NDUFB3: variants seen among roughly 807,000 people sequenced by gnomAD.
The protein encoded by NDUFB3 is NADH:ubiquinone oxidoreductase subunit B3, also known as NADH dehydrogenase [ubiquinone] 1 beta subcomplex subunit 3.
NDUFB3 carries 7 observed loss-of-function variants against 9.0 expected under a neutral mutation model. That is an observed-to-expected ratio of 0.78 (90% confidence interval 0.44 to 1.46). The LOEUF is 1.46. Among genes scored for constraint, NDUFB3 ranks in the 40% most tolerant of loss-of-function variants. The pLI is 0.01. For synonymous variants in NDUFB3, 29 were observed against 38.5 expected (o/e 0.75, Z 0.91); for missense variants, 93 against 115.4 (o/e 0.81, Z 0.89).
At chr2:201,077,598 A>G (rs2047177734) in intron 1 of NDUFB3, among the ~76,000 whole-genome samples, 1 of 152,226 alleles carries the variant, frequency 6.6e-6, no homozygotes, top group African/African-American at 2.4e-5. Flanking sequence ...AACATTTGTA[A>G]TGACTTTGAT....
intron 2 of NDUFB3, among the ~76,000 whole-genome samples, chr2:201,083,593 C>T (rs923927638): frequency 2.0e-5 from 3 of 152,020 alleles, no homozygotes; most frequent in Non-Finnish European, 4.4e-5. Context: ...GTGATCCACA[C>T]GCCTCGACCT....
rs778276586 is a variant in NDUFB3, at chr2:201,072,074, T to A, written c.-3+15T>A. On this transcript the variant is annotated intron_variant, in intron 1 of 2. Transcript: ENST00000237889. ...ATTGCTGTCAGGTAAATTAGGGAGT[T>A]GGTGGGAGGCCCGTTGATTAGGATT... 1 of 152,288 alleles carries A rather than the reference T, an allele frequency of 6.6e-6. No individual in the cohort carries two copies. The highest frequency in any genetic ancestry group is 2.1e-4 in the South Asian group (1 of 4,822). The allele number at this position is 152,288 out of a possible 1,614,324, so 9.4% of individuals were successfully genotyped here.
chr2:201,082,101 C>G (rs1224548806), intron 2 of NDUFB3, among the ~76,000 whole-genome samples: 1 of 152,004 alleles, frequency 6.6e-6, no homozygotes, highest in African/African-American at 2.4e-5. Flanking sequence ...CAGGCATGAG[C>G]CACCGCGCCA....
chr2:201,079,171 T>C, intron 2 of NDUFB3, 149 bp downstream of exon 2: 1 of 913,626 alleles, frequency 1.1e-6, no homozygotes, highest in Non-Finnish European at 1.6e-6. Flanking sequence ...TTTGAGACGG[T>C]GTCTTGCTGT....
chr2:201,081,689 C>A (rs984559055), intron 2 of NDUFB3, among the ~76,000 whole-genome samples: 1 of 151,762 alleles, frequency 6.6e-6, no homozygotes, highest in Non-Finnish European at 1.5e-5. Flanking sequence ...CACTGTGTCA[C>A]CCAGGCTGGA....
At chr2:201,076,484 AATATATATATATATATAT>A (rs561737388) in intron 1 of NDUFB3, among the ~76,000 whole-genome samples, 8 of 120,116 alleles carry the variant, frequency 6.7e-5, no homozygotes, top group Non-Finnish European at 1.2e-4. Flanking sequence ...TCTATCTTTA[AATATATATATATATATAT>A]ATATATATAT....
intron 1 of NDUFB3, among the ~76,000 whole-genome samples, chr2:201,076,018 C>A (rs1278486464): frequency 6.6e-6 from 1 of 152,164 alleles, no homozygotes; most frequent in East Asian, 1.9e-4. Context: ...TAAATAAACA[C>A]TTGTAATGGT....
At chr2:201,084,013 G>A (rs1046795386) in intron 2 of NDUFB3, among the ~76,000 whole-genome samples, 11 of 151,780 alleles carry the variant, frequency 7.2e-5, no homozygotes, top group South Asian at 2.1e-4. Context: ...AAAATTGGCC[G>A]GGCGCGGTGG....
At chr2:201,080,226 G>A (rs1451659028) in intron 2 of NDUFB3, among the ~76,000 whole-genome samples, 1 of 151,976 alleles carries the variant, frequency 6.6e-6, no homozygotes, top group African/African-American at 2.4e-5. Flanking sequence ...AAAAATTATT[G>A]TACCTCCGTT....
chr2:201,073,026 G>A lies in NDUFB3; in HGVS notation c.-3+967G>A, dbSNP rs370295813. Among the ~76,000 whole-genome samples, 415 of 152,124 alleles carry A rather than the reference G, an allele frequency of 2.7e-3. 3 individuals carry two copies. Among genetic ancestry groups the A allele is most frequent in the South Asian group, 0.013 (63 of 4,812 alleles). On this transcript the variant is annotated intron_variant, in intron 1 of 2. Coordinates refer to ENST00000237889, the MANE Select transcript of NDUFB3 (RefSeq NM_002491.3). ...ATATGTAGTGTTAAATTTTCATGGCGGGGGGTGTGATTAGGAATAAAATGT... is the reference window on the plus strand; with the variant it reads ...ATATGTAGTGTTAAATTTTCATGGCAGGGGGTGTGATTAGGAATAAAATGT...
rs567850578 is a variant in NDUFB3 at position 201,081,700 on chromosome 2, G to A, written c.140+2678G>A. Among the ~76,000 whole-genome samples the A allele has an allele frequency of 1.6e-4, 25 of 151,852 alleles. 1 individual carries two copies. The East Asian group carries it at 4.9e-3, about 29-fold the overall frequency. On this transcript the variant is annotated intron_variant, in intron 2 of 2. Coordinates refer to ENST00000237889, the MANE Select transcript of NDUFB3 (RefSeq NM_002491.3). ...GTCTCACTGTGTCACCCAGGCTGGA[G>A]TGCAGTGGCACAATCTTGGCTTACT...
chr2:201,078,227 G>A (rs1314759517), intron 1 of NDUFB3, among the ~76,000 whole-genome samples: 3 of 152,108 alleles, frequency 2.0e-5, no homozygotes, highest in African/African-American at 7.2e-5. Context: ...GCGTGAACCC[G>A]GGAGGCGGAG....
rs1218287557 is a variant in NDUFB3, at chr2:201,085,441, T to A, written c.141-18T>A. Reference sequence around the variant, plus strand: ...ACACGTTGTGTATGATTATAATTTTTTCTTTTTTTTTTTCTAGCAATGAAG... The same window carrying A: ...ACACGTTGTGTATGATTATAATTTTATCTTTTTTTTTTTCTAGCAATGAAG... On this transcript the variant is annotated intron_variant, in intron 2 of 2. Coordinates refer to ENST00000237889, the MANE Select transcript of NDUFB3 (RefSeq NM_002491.3). The A allele has an allele frequency of 6.3e-7, 1 of 1,577,124 alleles. No individual in the cohort carries two copies. Among genetic ancestry groups the A allele is most frequent in the Admixed American group, 1.9e-5 (1 of 52,492 alleles).
chr2:201,084,132 T>TAAG (rs2047263267), intron 2 of NDUFB3, among the ~76,000 whole-genome samples: 1 of 151,928 alleles, frequency 6.6e-6, no homozygotes, highest in African/African-American at 2.4e-5. Flanking sequence ...CTACTAAAAA[T>TAAG]ACAAAAAATT....
intron 2 of NDUFB3, among the ~76,000 whole-genome samples, chr2:201,082,170 T>A (rs956296876): frequency 1.3e-5 from 2 of 151,970 alleles, no homozygotes; most frequent in Non-Finnish European, 2.9e-5. Context: ...GCCAGGCTGG[T>A]CTTGAACTCA....
chr2:201,081,100 C>T (rs987523184), intron 2 of NDUFB3, among the ~76,000 whole-genome samples: 1 of 152,056 alleles, frequency 6.6e-6, no homozygotes. Flanking sequence ...ATTAAAATCC[C>T]TGCTTGGATT....
intron 1 of NDUFB3, among the ~76,000 whole-genome samples, chr2:201,077,580 T>C (rs1327002856): frequency 6.6e-6 from 1 of 152,238 alleles, no homozygotes; most frequent in Non-Finnish European, 1.5e-5. Context: ...GAATGGTTTT[T>C]ACAAATGAAC....
At chr2:201,081,123 A>C (rs1380823315) in intron 2 of NDUFB3, among the ~76,000 whole-genome samples, 1 of 152,160 alleles carries the variant, frequency 6.6e-6, no homozygotes, top group Non-Finnish European at 1.5e-5. Context: ...AATTGGGATC[A>C]CATTGAATCT....
chr2:201,080,797 G>A (rs1049329212), intron 2 of NDUFB3, among the ~76,000 whole-genome samples: 9 of 144,290 alleles, frequency 6.2e-5, no homozygotes, highest in Middle Eastern at 3.8e-3. Flanking sequence ...TCCACCTCCC[G>A]GGTTCACGCC....
Sources: gnomAD v4.1 joint callset for allele counts (sites outside exome capture counted in the v4.1 genomes callset) on GRCh38, gnomAD v4.1.1 for gene constraint, MANE v1.5 for transcripts, NCBI Gene and HGNC (gene_info 2026-07-23, HGNC 2026-07-21) for gene names.